ARHGAP21: variants seen among roughly 807,000 people sequenced by gnomAD.
The protein encoded by ARHGAP21 is rho GTPase-activating protein 21.
In ARHGAP21, 38 loss-of-function variants were observed where a neutral mutation model predicts 164.6. That is an observed-to-expected ratio of 0.23 (90% CI 0.18 to 0.30). The LOEUF (loss-of-function observed/expected upper bound fraction) is 0.30, where lower values mean the gene tolerates loss of function less well. Among genes scored for constraint, ARHGAP21 ranks in the 10% least tolerant of loss-of-function variants. The probability of loss-of-function intolerance (pLI) is 1.00; values close to 1 mark genes in which losing one functional copy is unlikely to be tolerated. For synonymous variants in ARHGAP21, 766 were observed against 857.9 expected, an observed-to-expected ratio of 0.89 and a Z score of 1.87; for missense variants, 1,822 against 2,370.7, an observed-to-expected ratio of 0.77 and a Z score of 4.81.
rs571844169 is a variant in ARHGAP21 at position 24,676,222 on chromosome 10, C to G, written c.64-5825G>C. 4.6e-5 allele frequency among the ~76,000 whole-genome samples: 7 copies of G among 152,330 alleles called. No individual in the cohort carries two copies. In the East Asian group the frequency reaches 1.4e-3, roughly 29 times the overall value. On this transcript the variant is annotated intron_variant, in intron 2 of 25. Transcript: ENST00000396432. ...AACACTGGAAAAAATAACTATTAAT[C>G]ATTGTTTCCTATCTCCCATCATTCT...
At chr10:24,689,557 T>C (rs1310158477) in intron 2 of ARHGAP21, among the ~76,000 whole-genome samples, 1 of 151,982 alleles carries the variant, frequency 6.6e-6, no homozygotes, top group East Asian at 1.9e-4. Context: ...CTGGGCAATA[T>C]GGCAAAACCC....
chr10:24,617,084 C>A (rs1350906624), intron 9 of ARHGAP21, among the ~76,000 whole-genome samples: 2 of 151,528 alleles, frequency 1.3e-5, no homozygotes. Flanking sequence ...GGAAGGAGGG[C>A]GAAAGTCAAA....
intron 13 of ARHGAP21, among the ~76,000 whole-genome samples, chr10:24,601,409 C>G (rs1325029578): frequency 6.6e-6 from 1 of 152,150 alleles, no homozygotes; most frequent in African/African-American, 2.4e-5. Context: ...AGTGAGCTTT[C>G]TTAAAATTTT....
At chr10:24,628,963 TATATATATA>T in intron 7 of ARHGAP21, 1 of 14,838 alleles carries the variant, frequency 6.7e-5, no homozygotes, top group Non-Finnish European at 1.3e-4. Context: ...TATATATATA[TATATATATA>T]TATATATATA....
chr10:24,690,299 G>A (rs1842650254), intron 2 of ARHGAP21, among the ~76,000 whole-genome samples: 2 of 152,046 alleles, frequency 1.3e-5, no homozygotes, highest in African/African-American at 4.8e-5. Context: ...TTTGTTTTTA[G>A]TTTTAGACAC....
chr10:24,635,135 C>T, intron 4 of ARHGAP21, 32 bp from the exon 5 acceptor site: 2 of 1,382,370 alleles, frequency 1.4e-6, no homozygotes, highest in South Asian at 1.3e-5. Flanking sequence ...CATGATTTTA[C>T]TTCACAATAC....
At chr10:24,625,219 T>C in intron 7 of ARHGAP21, among the ~76,000 whole-genome samples, 1 of 148,534 alleles carries the variant, frequency 6.7e-6, no homozygotes, top group African/African-American at 2.5e-5. Flanking sequence ...CCTAAAATAA[T>C]CTCTAGTTCA....
At chr10:24,624,059 T>A (rs1170481267) in intron 7 of ARHGAP21, among the ~76,000 whole-genome samples, 1 of 152,172 alleles carries the variant, frequency 6.6e-6, no homozygotes, top group Admixed American at 6.5e-5. Flanking sequence ...ATAGTCTACA[T>A]TACAGTCACA....
intron 4 of ARHGAP21, among the ~76,000 whole-genome samples, chr10:24,643,537 G>A (rs1215539309): frequency 1.3e-5 from 2 of 152,012 alleles, no homozygotes; most frequent in Non-Finnish European, 1.5e-5. Flanking sequence ...TGCTCACTTC[G>A]GCAACATATA....
chr10:24,638,517 T>A (rs1836624888), intron 4 of ARHGAP21, among the ~76,000 whole-genome samples: 1 of 152,190 alleles, frequency 6.6e-6, no homozygotes, highest in Non-Finnish European at 1.5e-5. Flanking sequence ...AAAAGCCTGA[T>A]CCCGAATTGT....
intron 2 of ARHGAP21, among the ~76,000 whole-genome samples, chr10:24,673,628 G>A (rs564854686): frequency 5.3e-5 from 8 of 152,026 alleles, no homozygotes; most frequent in South Asian, 4.2e-4. Context: ...TTGGGAGGCC[G>A]AGGCAGGCAG....
chr10:24,608,343 C>T (rs545060162), intron 9 of ARHGAP21, among the ~76,000 whole-genome samples: 4 of 152,280 alleles, frequency 2.6e-5, no homozygotes, highest in African/African-American at 9.6e-5. Flanking sequence ...AAAACCGTAT[C>T]CCCGCCTCAT....
intron 4 of ARHGAP21, among the ~76,000 whole-genome samples, chr10:24,645,189 T>G (rs1415789573): frequency 6.6e-6 from 1 of 152,206 alleles, no homozygotes; most frequent in Non-Finnish European, 1.5e-5. Flanking sequence ...TGTTCTGGAA[T>G]GCCATTTTTC....
In ARHGAP21 at chr10:24,629,878, G is replaced by C. The variant is rs577707489; in HGVS notation, c.495+118C>G. The C allele has an allele frequency of 1.4e-5, 11 of 776,608 alleles. No individual in the cohort carries two copies. The African/African-American group carries it at 1.8e-4, about 12-fold the overall frequency. The allele number at this position is 776,608 out of a possible 1,614,324, so 48.1% of individuals were successfully genotyped here. A position where few individuals can be genotyped will look rare whatever the true frequency, so the allele number is the denominator to read the frequency against. ...ATTCCAGATTCTGTAAAAGGAACCA[G>C]AGGGTTTTTAAATTCTAGAATTTTT... On this transcript the variant is annotated intron_variant, in intron 7 of 25. Transcript: ENST00000396432.
intron 2 of ARHGAP21, among the ~76,000 whole-genome samples, chr10:24,686,553 C>T (rs1842231878): frequency 6.6e-6 from 1 of 152,044 alleles, no homozygotes; most frequent in South Asian, 2.1e-4. Flanking sequence ...TGACTGTGAA[C>T]ATTTTTCAAT....
rs1836219932 is a variant in ARHGAP21 at position 24,634,953 on chromosome 10, G to A, written c.361+58C>T. ...GGAAAAAATATCGAACATGAAATAT[G>A]GAAGAAATAAAGTGAAAAAGAAATT... is the stretch of plus-strand genomic sequence containing the variant. On this transcript the variant is annotated intron_variant, in intron 5 of 25. Coordinates refer to ENST00000396432, the MANE Select transcript of ARHGAP21 (RefSeq NM_020824.4). 3.2e-6 allele frequency: 4 copies of A among 1,267,412 alleles called. No homozygotes were observed. The East Asian group carries it at 1.0e-4, about 32-fold the overall frequency. 78.5% of individuals were successfully genotyped at this position (1,267,412 alleles called of 1,614,324 possible).
intron 21 of ARHGAP21, among the ~76,000 whole-genome samples, chr10:24,593,544 A>G (rs1379183733): frequency 6.6e-6 from 1 of 152,152 alleles, no homozygotes; most frequent in Non-Finnish European, 1.5e-5. Context: ...TAAAACTGGT[A>G]AAATAGTCTA....
intron 4 of ARHGAP21, among the ~76,000 whole-genome samples, chr10:24,664,213 C>T (rs920136559): frequency 2.6e-5 from 4 of 152,122 alleles, no homozygotes; most frequent in African/African-American, 9.7e-5. Flanking sequence ...CTCATCTTTT[C>T]TATGGCCACT....
chr10:24,594,764 T>G (rs1349147740), intron 21 of ARHGAP21, among the ~76,000 whole-genome samples, 186 bp downstream of exon 21: 1 of 152,200 alleles, frequency 6.6e-6, no homozygotes, highest in Non-Finnish European at 1.5e-5. Flanking sequence ...TTTTAAAATA[T>G]CCTTTTAAAA....
Sources: gnomAD v4.1 joint callset for allele counts (sites outside exome capture counted in the v4.1 genomes callset) on GRCh38, gnomAD v4.1.1 for gene constraint, MANE v1.5 for transcripts, NCBI Gene and HGNC (gene_info 2026-07-23, HGNC 2026-07-21) for gene names.